Variants in PALD1 observed in about 807,000 individuals in gnomAD.
PALD1 encodes paladin.
In PALD1, 57 loss-of-function variants were observed where a neutral mutation model predicts 96.0. That is an observed-to-expected ratio of 0.59 (90% CI 0.48 to 0.74). PALD1 has a LOEUF of 0.74. PALD1 is among the 30% of genes least tolerant of loss of function. The pLI, the probability that PALD1 is intolerant of heterozygous loss-of-function variation, is 0.00. For missense variants in PALD1, 1,063 were observed against 1,143.7 expected (o/e 0.93, Z 1.02); for synonymous variants, 464 against 473.6 (o/e 0.98, Z 0.26).
At chr10:70,486,077 G>C (rs1846012805) in intron 1 of PALD1, 2 of 224,636 alleles carry the variant, frequency 8.9e-6, no homozygotes, top group Non-Finnish European at 2.0e-5. Flanking sequence ...CGATTGTTTA[G>C]GATTTGAGAG....
chr10:70,519,795 G>A (rs1253106173), intron 1 of PALD1, among the ~76,000 whole-genome samples: 1 of 151,904 alleles, frequency 6.6e-6, no homozygotes, highest in Non-Finnish European at 1.5e-5. Context: ...GGCTGGTCTC[G>A]AACTCCTGAC....
At position 70,568,406 on chromosome 10, in the gene PALD1, T is replaced by C. The variant is rs1847892609; in HGVS notation, c.*1673T>C. On this transcript the variant is annotated 3_prime_UTR_variant, in exon 20 of 20. Coordinates refer to ENST00000263563, the MANE Select transcript of PALD1 (RefSeq NM_014431.3). ...GTGAGGATTCATTTGTGATTTTTTT[T>C]TTTTTTGTACAGAGCTTTTAAGCAT... The C allele has an allele frequency of 6.6e-6, 1 of 152,068 alleles. No homozygotes were observed. Among genetic ancestry groups the C allele is most frequent in the Admixed American group, 6.6e-5 (1 of 15,244 alleles). The allele number at this position is 152,068 out of a possible 1,614,324, so 9.4% of individuals were successfully genotyped here.
At chr10:70,525,855 G>A (rs1247819223) in intron 1 of PALD1, 68 bp from the exon 2 acceptor site, 12 of 1,251,298 alleles carry the variant, frequency 9.6e-6, no homozygotes, top group Non-Finnish European at 1.4e-5. Flanking sequence ...GAGGGCGAGA[G>A]GTGGGTCAGG....
At chr10:70,519,598 G>A (rs1357248229) in intron 1 of PALD1, among the ~76,000 whole-genome samples, 3 of 143,708 alleles carry the variant, frequency 2.1e-5, no homozygotes, top group African/African-American at 8.0e-5. Flanking sequence ...TTTGTGAGAC[G>A]AAGTCTGGCT....
intron 1 of PALD1, among the ~76,000 whole-genome samples, chr10:70,480,799 CT>C (rs1407610562): frequency 2.6e-5 from 4 of 152,218 alleles, no homozygotes; most frequent in Non-Finnish European, 5.9e-5. Context: ...ACCCAGGCAC[CT>C]GTGGGGGATG....
chr10:70,492,644 A>G (rs1210338853), intron 1 of PALD1, among the ~76,000 whole-genome samples: 1 of 151,642 alleles, frequency 6.6e-6, no homozygotes, highest in Non-Finnish European at 1.5e-5. Context: ...TTTAGTAGAG[A>G]TGGGGTTTCA....
At chr10:70,544,593 C>T (rs941554451) in intron 17 of PALD1, among the ~76,000 whole-genome samples, 2 of 151,926 alleles carry the variant, frequency 1.3e-5, no homozygotes, top group African/African-American at 4.8e-5. Context: ...GAGGAGGGCA[C>T]CTAGGATGAC....
chr10:70,467,251 G>C, the PALD1 span, among the ~76,000 whole-genome samples: 51 of 152,170 alleles, frequency 3.4e-4, no homozygotes, highest in Middle Eastern at 0.01. Context: ...CACAGTTAAG[G>C]CCTCTTCTGG....
chr10:70,534,721 C>T lies in PALD1; in HGVS notation c.1123-18C>T. 6.3e-7 allele frequency: 1 copy of T among 1,583,024 alleles called. No individual in the cohort carries two copies. Among genetic ancestry groups the T allele is most frequent in the Non-Finnish European group, 8.7e-7 (1 of 1,155,948 alleles). ...ACCCCCCCACCTCCCTCTTACTTGC[C>T]TTGGTCTCTGGCACCAGGTGGACAG... On this transcript the variant is annotated intron_variant, in intron 9 of 19. Transcript: ENST00000263563.
At chr10:70,557,207 G>C (rs1186080142) in intron 18 of PALD1, among the ~76,000 whole-genome samples, 1 of 152,190 alleles carries the variant, frequency 6.6e-6, no homozygotes, top group Non-Finnish European at 1.5e-5. Flanking sequence ...TTTTCCATCT[G>C]TCACCTGGAG....
chr10:70,534,039 C>T lies in PALD1; in HGVS notation c.988C>T (p.Leu330=). Residue 330 remains leucine (L), a synonymous_variant, in exon 8 of 20, where the codon CTG becomes TTG. Coordinates refer to ENST00000263563, the MANE Select transcript of PALD1 (RefSeq NM_014431.3). ...GGGCATGGTCCTGGGCACCCTCATC[C>T]TGCTTCACCGCAGTGGGACCACCTC... ...NLGMVLGTLI[L]LHRSGTTSQP... 6.2e-7 allele frequency: 1 copy of T among 1,611,204 alleles called. No homozygotes were observed. The highest frequency in any genetic ancestry group is 8.5e-7 in the Non-Finnish European group (1 of 1,178,470).
At chr10:70,516,300 T>C (rs1846618176) in intron 1 of PALD1, among the ~76,000 whole-genome samples, 1 of 152,000 alleles carries the variant, frequency 6.6e-6, no homozygotes, top group African/African-American at 2.4e-5. Flanking sequence ...CCTGGCTAAT[T>C]TTTGTATTTT....
At chr10:70,545,868 C>T (rs55689311) in intron 17 of PALD1, among the ~76,000 whole-genome samples, 81,412 of 151,924 alleles carry the variant, frequency 0.54, 23,209 homozygotes, top group East Asian at 0.93. Flanking sequence ...AGCCCTAGTA[C>T]GTGACAGCTA....
intron 6 of PALD1, 93 bp downstream of exon 6, chr10:70,532,874 A>G (rs1276785148): frequency 1.3e-6 from 2 of 1,520,876 alleles, no homozygotes; most frequent in Non-Finnish European, 1.8e-6. Context: ...GGTTGGGCGG[A>G]GTCCCCCACA....
intron 12 of PALD1, 21 bp downstream of exon 12, chr10:70,538,429 G>C: frequency 6.2e-7 from 1 of 1,607,492 alleles, no homozygotes; most frequent in Non-Finnish European, 8.5e-7. Context: ...CTGGCAGTCG[G>C]AGAAGTGGGC....
chr10:70,544,785 G>A (rs1262390361), intron 17 of PALD1, among the ~76,000 whole-genome samples: 1 of 152,186 alleles, frequency 6.6e-6, no homozygotes, highest in Non-Finnish European at 1.5e-5. Flanking sequence ...TGGGATTGGG[G>A]ATGTGGACTG....
At chr10:70,501,630 G>A (rs1301568021) in intron 1 of PALD1, among the ~76,000 whole-genome samples, 2 of 152,290 alleles carry the variant, frequency 1.3e-5, no homozygotes, top group Non-Finnish European at 2.9e-5. Flanking sequence ...TGGTGTCAGT[G>A]GCCACTGTGT....
In PALD1 at chr10:70,497,821, C is replaced by T. The variant is rs370783064; in HGVS notation, c.-30+18762C>T. Among the ~76,000 whole-genome samples the T allele has an allele frequency of 4.9e-4, 74 of 152,214 alleles. No individual in the cohort carries two copies. The Middle Eastern group carries it at 0.017, about 35-fold the overall frequency. ...TGATCTCCTGACCTCGTGATCTGCC[C>T]GCCTTGGCCTCCCAAAGTGCTGGGA... On this transcript the variant is annotated intron_variant, in intron 1 of 19. Transcript: ENST00000263563.
chr10:70,462,433 C>CT, the PALD1 span, among the ~76,000 whole-genome samples: 3 of 152,224 alleles, frequency 2.0e-5, no homozygotes, highest in South Asian at 2.1e-4. Context: ...CATGAAAAGT[C>CT]TTTTTTTTCT....
Sources: gnomAD v4.1 joint callset for allele counts (sites outside exome capture counted in the v4.1 genomes callset) on GRCh38, gnomAD v4.1.1 for gene constraint, MANE v1.5 for transcripts, NCBI Gene and HGNC (gene_info 2026-07-23, HGNC 2026-07-21) for gene names.